The following PLEKHM2 variants were observed in gnomAD, a reference collection of about 807,000 sequenced individuals.
PLEKHM2 encodes pleckstrin homology and RUN domain containing M2.
Under a neutral mutation model 116.3 loss-of-function variants are expected in PLEKHM2, and 77 were observed. That is an observed-to-expected ratio of 0.66 (90% CI 0.55 to 0.80). PLEKHM2 has a LOEUF of 0.80. PLEKHM2 is among the 30% of genes least tolerant of loss of function. PLEKHM2 has a pLI of 0.00. For synonymous variants in PLEKHM2, 562 were observed against 571.0 expected, an observed-to-expected ratio of 0.98 and a Z score of 0.22; for missense variants, 1,183 against 1,354.9, an observed-to-expected ratio of 0.87 and a Z score of 1.99.
intron 17 of PLEKHM2, 22 bp from the exon 18 acceptor site, chr1:15,732,328 C>G: frequency 6.5e-7 from 1 of 1,542,354 alleles, no homozygotes; most frequent in Non-Finnish European, 8.8e-7. Flanking sequence ...CCCAGCCTGC[C>G]TCTCCCCTGC....
Position 15,719,970 on chromosome 1 carries a change from T to C in PLEKHM2, c.652+50T>C. ...CTAAGCCCCTGTTGTGAAACAGACT[T>C]GAACTGCTTAAGCCTGGCTGGGTGA... On this transcript the variant is annotated intron_variant, in intron 6 of 19. Transcript: ENST00000375799. This position sits in a 1 kb window ranked among gnomAD's most constrained non-coding sequence, Gnocchi z 4.1. 6.8e-7 allele frequency: 1 copy of C among 1,475,352 alleles called. No individual in the cohort carries two copies. 91.4% of individuals were successfully genotyped at this position (1,475,352 alleles called of 1,614,324 possible).
chr1:15,692,669 C>T (rs1310843856), intron 1 of PLEKHM2, among the ~76,000 whole-genome samples: 1 of 152,156 alleles, frequency 6.6e-6, no homozygotes, highest in Non-Finnish European at 1.5e-5. Flanking sequence ...AACTCCTGGC[C>T]TCAAGCCTTC....
intron 3 of PLEKHM2, among the ~76,000 whole-genome samples, chr1:15,717,560 A>G (rs983061963): frequency 3.9e-5 from 6 of 152,168 alleles, no homozygotes; most frequent in Non-Finnish European, 5.9e-5. Flanking sequence ...ACTCTTATGG[A>G]ATCCCAGCCT....
chr1:15,688,228 A>G (rs1571015144), intron 1 of PLEKHM2, among the ~76,000 whole-genome samples: 1 of 152,238 alleles, frequency 6.6e-6, no homozygotes. Context: ...AATACCCATT[A>G]TAACACCAGA....
At chr1:15,694,755 T>TG (rs1640958086) in intron 1 of PLEKHM2, among the ~76,000 whole-genome samples, 1 of 141,740 alleles carries the variant, frequency 7.1e-6, no homozygotes, top group African/African-American at 2.8e-5. Flanking sequence ...TATTTTGTTT[T>TG]GTTTTTTTTT....
At chr1:15,732,981 C>G (rs1217162299) in intron 19 of PLEKHM2, among the ~76,000 whole-genome samples, 4 of 152,238 alleles carry the variant, frequency 2.6e-5, no homozygotes, top group Admixed American at 6.5e-5. Context: ...AGCCCGAGGC[C>G]CTCAAGCCAC....
chr1:15,704,344 CTG>C (rs1641178922), intron 1 of PLEKHM2, among the ~76,000 whole-genome samples: 1 of 144,380 alleles, frequency 6.9e-6, no homozygotes, highest in African/African-American at 2.5e-5. Context: ...CTCTTCCTCT[CTG>C]TTCTTCCACT....
chr1:15,714,933 A>G (rs553929492), intron 1 of PLEKHM2, among the ~76,000 whole-genome samples: 133 of 152,330 alleles, frequency 8.7e-4, no homozygotes, highest in Middle Eastern at 3.4e-3. Context: ...ACTCAGTCCA[A>G]TATCTGGGCT....
In PLEKHM2 at chr1:15,717,965, T is replaced by C; in HGVS notation, c.350T>C (p.Leu117Pro). ...ESYLRLFQENLGLLHKYYVKN... is the reference protein window; with the variant it reads ...ESYLRLFQENPGLLHKYYVKN... ...TACCTGCGGTTGTTCCAGGAGAACC[T>C]GGGCCTGCTGCATAAGTACTACGTC... The change falls in exon 4 of 20, where the codon CTG becomes CCG. Residue 117 changes from leucine (L) to proline (P), a missense_variant. Physicochemically the swap from Leu to Pro is moderately conservative, Grantham distance 98. Around this residue, in one of 3 missense-constraint regions of PLEKHM2, gnomAD observed 217 missense variants for 277.6 expected, o/e 0.78. Transcript: ENST00000375799. 1.3e-6 allele frequency: 2 copies of C among 1,595,772 alleles called. No individual in the cohort carries two copies. Among genetic ancestry groups the C allele is most frequent in the South Asian group, 2.3e-5 (2 of 88,018 alleles).
rs1261600081 is a variant in PLEKHM2 at position 15,730,448 on chromosome 1, A to AG, written c.2209-84_2209-83insG. ...CAGAGCGAGACTCCATCTCAAAAAG[A>AG]AAAAAAAAGAACCAGTCCGGGCTCA... On this transcript the variant is annotated intron_variant, in intron 14 of 19. Transcript: ENST00000375799. 3.8e-6 allele frequency: 4 copies of AG among 1,039,902 alleles called. No homozygotes were observed. In the East Asian group the frequency reaches 1.2e-4, roughly 31 times the overall value. 64.4% of individuals were successfully genotyped at this position (1,039,902 alleles called of 1,614,324 possible).
At chr1:15,682,511 C>G (rs996957633), upstream of PLEKHM2, among the ~76,000 whole-genome samples, 3 of 150,730 alleles carry the variant, frequency 2.0e-5, no homozygotes, top group Non-Finnish European at 3.0e-5. Flanking sequence ...CCCAGCTACT[C>G]GGGAGGCTGA....
chr1:15,683,122 G>C (rs932703348), upstream of PLEKHM2: 2 of 152,754 alleles, frequency 1.3e-5, no homozygotes, highest in African/African-American at 4.8e-5. Flanking sequence ...GTGTGTTTTG[G>C]GGGTGGGGAG....
intron 6 of PLEKHM2, chr1:15,720,881 G>GGGT: frequency 6.4e-6 from 1 of 156,746 alleles, no homozygotes; most frequent in South Asian, 1.9e-4. Context: ...GGAGTTGGAG[G>GGGT]GGTGGGCCTT....
upstream of PLEKHM2, among the ~76,000 whole-genome samples, chr1:15,683,836 C>T (rs1640698428): frequency 1.3e-5 from 2 of 148,256 alleles, no homozygotes; most frequent in South Asian, 4.3e-4. Context: ...GCCGGTGTCC[C>T]GGGCAGGCGG....
At chr1:15,704,865 G>C (rs1181444706) in intron 1 of PLEKHM2, among the ~76,000 whole-genome samples, 1 of 152,210 alleles carries the variant, frequency 6.6e-6, no homozygotes, top group Non-Finnish European at 1.5e-5. Context: ...CTCGCTGGCT[G>C]TGCCTTCGTG....
Position 15,729,992 on chromosome 1 carries a change from C to A in PLEKHM2, c.2208+63C>A. 1.5e-6 allele frequency: 2 copies of A among 1,326,980 alleles called. No homozygotes were observed. The highest frequency in any genetic ancestry group is 2.0e-6 in the Non-Finnish European group (2 of 1,000,482). The allele number at this position is 1,326,980 out of a possible 1,614,324, so 82.2% of individuals were successfully genotyped here. A position where few individuals can be genotyped will look rare whatever the true frequency, so the allele number is the denominator to read the frequency against. ...GATGGCAGAGCAGCAGCCGCCTTGG[C>A]GTGAGCGTTAAGGGATGCACGTGGA... On this transcript the variant is annotated intron_variant, in intron 14 of 19. Transcript: ENST00000375799. This position sits in a 1 kb window ranked among gnomAD's most constrained non-coding sequence, Gnocchi z 4.7.
In PLEKHM2 at chr1:15,728,484, A is replaced by C. The variant is rs886715680; in HGVS notation, c.1921+127A>C. The C allele has an allele frequency of 1.7e-5, 17 of 1,010,862 alleles. No individual in the cohort carries two copies. The African/African-American group carries it at 2.6e-4, about 15-fold the overall frequency. 62.6% of individuals were successfully genotyped at this position (1,010,862 alleles called of 1,614,324 possible). On this transcript the variant is annotated intron_variant, in intron 11 of 19. Transcript: ENST00000375799. The surrounding 1 kb of genome is among the most constrained non-coding windows in gnomAD (Gnocchi z 5.9). The stretch of plus-strand genomic sequence containing the variant: ...CATGCAGTGATGGAAAGGCACCCCA[A>C]GGAAGGTGTTGCCAGCAGCCCTGAG...
At chr1:15,711,483 C>T (rs955387379) in intron 1 of PLEKHM2, among the ~76,000 whole-genome samples, 4 of 151,736 alleles carry the variant, frequency 2.6e-5, no homozygotes, top group Admixed American at 1.3e-4. Context: ...CAGGTGTGGT[C>T]GAAGGTGCCT....
rs2068088346 is a variant in PLEKHM2 at position 15,727,966 on chromosome 1, A to T, written c.1761-113A>T. The T allele has an allele frequency of 8.3e-7, 1 of 1,205,488 alleles. No individual in the cohort carries two copies. The highest frequency in any genetic ancestry group is 1.2e-6 in the Non-Finnish European group (1 of 834,736). 74.7% of individuals were successfully genotyped at this position (1,205,488 alleles called of 1,614,324 possible). On this transcript the variant is annotated intron_variant, in intron 9 of 19. Coordinates refer to ENST00000375799, the MANE Select transcript of PLEKHM2 (RefSeq NM_015164.4). This position sits in a 1 kb window ranked among gnomAD's most constrained non-coding sequence, Gnocchi z 7.5. Reference sequence around the variant, plus strand: ...AGAAGGGGTGTGAGCCTCCCTCCCTAACTTTGGCTCCTAGTGGGAGGCGGA... The same window carrying T: ...AGAAGGGGTGTGAGCCTCCCTCCCTTACTTTGGCTCCTAGTGGGAGGCGGA...
Sources: gnomAD v4.1 joint callset for allele counts (sites outside exome capture counted in the v4.1 genomes callset) on GRCh38, gnomAD v4.1.1 for gene constraint, gnomAD v4.1.1 regional missense constraint, Gnocchi (gnomAD v3.1) non-coding constraint, MANE v1.5 for transcripts, NCBI Gene and HGNC (gene_info 2026-07-23, HGNC 2026-07-21) for gene names.